The following CDC42BPA variants were observed in gnomAD, a reference collection of about 807,000 sequenced individuals.
CDC42BPA encodes serine/threonine-protein kinase MRCK alpha.
A neutral mutation model predicts 223.5 loss-of-function variants in CDC42BPA; 80 were observed. That is an observed-to-expected ratio of 0.36 (90% CI 0.30 to 0.43). The LOEUF (loss-of-function observed/expected upper bound fraction) is 0.43, where lower values mean the gene tolerates loss of function less well. CDC42BPA is among the 20% of genes least tolerant of loss of function. The probability of loss-of-function intolerance (pLI) is 1.00; values close to 1 mark genes in which losing one functional copy is unlikely to be tolerated. For synonymous variants in CDC42BPA, 694 were observed against 718.6 expected (o/e 0.97, Z 0.55); for missense variants, 1,743 against 2,099.9 (o/e 0.83, Z 3.32).
chr1:227,034,615 T>A, intron 26 of CDC42BPA, 40 bp downstream of exon 26: 1 of 1,540,780 alleles, frequency 6.5e-7, no homozygotes, highest in Non-Finnish European at 8.8e-7. Context: ...AAAATTCCTA[T>A]GTTGCAATGA....
chr1:227,134,321 G>C (rs778710928), intron 10 of CDC42BPA, among the ~76,000 whole-genome samples: 1 of 151,970 alleles, frequency 6.6e-6, no homozygotes, highest in Non-Finnish European at 1.5e-5. Context: ...TTTTACCCAA[G>C]TAGCTGAAAA....
chr1:227,217,491 G>C (rs1041379132), intron 2 of CDC42BPA, among the ~76,000 whole-genome samples: 1 of 151,284 alleles, frequency 6.6e-6, no homozygotes, highest in Non-Finnish European at 1.5e-5. Flanking sequence ...TGCCTGGATT[G>C]TCCTACCTGA....
chr1:227,198,474 GA>G (rs71759139), intron 4 of CDC42BPA, among the ~76,000 whole-genome samples: 13,400 of 127,898 alleles, frequency 0.1, 1,205 homozygotes, highest in Middle Eastern at 0.19. Flanking sequence ...AAGAAAGAAA[GA>G]AAAAAAATGT....
intron 31 of CDC42BPA, among the ~76,000 whole-genome samples, chr1:227,025,511 A>C (rs1668096276): frequency 6.6e-6 from 1 of 152,180 alleles, no homozygotes; most frequent in African/African-American, 2.4e-5. Context: ...TCATTTTTGC[A>C]AACTAGCAGT....
chr1:227,286,177 G>T (rs529600085), intron 1 of CDC42BPA, among the ~76,000 whole-genome samples: 2 of 152,304 alleles, frequency 1.3e-5, no homozygotes, highest in East Asian at 3.9e-4. Flanking sequence ...ACCAGACTGA[G>T]ATTTTTCCAA....
chr1:227,146,655 A>G (rs995945137), intron 7 of CDC42BPA, among the ~76,000 whole-genome samples: 2 of 152,134 alleles, frequency 1.3e-5, no homozygotes, highest in African/African-American at 4.8e-5. Flanking sequence ...AGTACTAAAT[A>G]TATTAACGTT....
chr1:227,059,360 A>G (rs1018907557), intron 21 of CDC42BPA: 2 of 1,560,168 alleles, frequency 1.3e-6, no homozygotes, highest in Non-Finnish European at 1.7e-6. Context: ...CATAAAGTGC[A>G]AAAGTCTCTT....
At chr1:227,245,092 G>A (rs1342929668) in intron 2 of CDC42BPA, among the ~76,000 whole-genome samples, 1 of 152,032 alleles carries the variant, frequency 6.6e-6, no homozygotes, top group African/African-American at 2.4e-5. Flanking sequence ...GTCAAGTTGG[G>A]TTCTAACAAG....
chr1:227,026,066 G>T lies in CDC42BPA; in HGVS notation c.4519C>A (p.Pro1507Thr). 6.3e-7 allele frequency: 1 copy of T among 1,578,248 alleles called. No homozygotes were observed. Among genetic ancestry groups the T allele is most frequent in the Non-Finnish European group, 8.7e-7 (1 of 1,151,966 alleles). Residue 1507 changes from proline (P) to threonine (T), a missense_variant, in exon 31 of 37, where the codon CCT becomes ACT. Physicochemically the swap from Pro to Thr is conservative, Grantham distance 38 (BLOSUM62 -1). Around this residue, in one of 6 missense-constraint regions of CDC42BPA, gnomAD observed 678 missense variants for 777.5 expected, o/e 0.87. Coordinates refer to ENST00000366766, the MANE Select transcript of CDC42BPA (RefSeq NM_001394014.1). ...VNSMEWIQTLPLKKVRPLNNE... is the reference protein window; with the variant it reads ...VNSMEWIQTLTLKKVRPLNNE... ...TAATGTTAAATTACCTTTTTGAGAG[G>T]AAGAGTCTGAATCCATTCCATGGAG...
intron 1 of CDC42BPA, among the ~76,000 whole-genome samples, chr1:227,273,306 G>A (rs1686289598): frequency 6.8e-6 from 1 of 146,728 alleles, no homozygotes; most frequent in Admixed American, 6.8e-5. Context: ...TCAAAAAAAA[G>A]GCCGGGCATG....
At chr1:227,167,377 A>G (rs1665228446) in intron 5 of CDC42BPA, among the ~76,000 whole-genome samples, 1 of 152,160 alleles carries the variant, frequency 6.6e-6, no homozygotes, top group Non-Finnish European at 1.5e-5. Context: ...ATGACAAATG[A>G]CCTTTTCACT....
At chr1:227,089,849 T>C (rs901262916) in intron 16 of CDC42BPA, among the ~76,000 whole-genome samples, 8 of 152,130 alleles carry the variant, frequency 5.3e-5, no homozygotes, top group African/African-American at 1.7e-4. Flanking sequence ...AAACCAATAA[T>C]TGAATGCAAA....
chr1:227,124,673 CA>C (rs1161124256), intron 11 of CDC42BPA, among the ~76,000 whole-genome samples: 1 of 152,002 alleles, frequency 6.6e-6, no homozygotes, highest in Non-Finnish European at 1.5e-5. Context: ...GAAGTAGTAA[CA>C]AGAGACAAAG....
chr1:226,999,052 A>G (rs1366849713), intron 35 of CDC42BPA, among the ~76,000 whole-genome samples: 1 of 152,244 alleles, frequency 6.6e-6, no homozygotes, highest in Non-Finnish European at 1.5e-5. Flanking sequence ...AAAGCTCATC[A>G]TCACTGGTCA....
intron 32 of CDC42BPA, among the ~76,000 whole-genome samples, chr1:227,018,565 T>C (rs1008709745): frequency 3.9e-5 from 6 of 152,154 alleles, no homozygotes; most frequent in African/African-American, 1.2e-4. Context: ...TATAGACACA[T>C]AGTGGGTATG....
Position 227,019,452 on chromosome 1 carries a change from G to T in CDC42BPA, c.4616-2402C>A, listed in dbSNP as rs182786120. Among the ~76,000 whole-genome samples the T allele has an allele frequency of 1.7e-3, 263 of 152,282 alleles. 3 individuals carry two copies. Among genetic ancestry groups the T allele is most frequent in the African/African-American group, 5.9e-3 (245 of 41,562 alleles). ...CTGCTTCTTCCAAACTCCTGTGAATGATGGTATTTTGACCTCCTCCCATGA... is the reference window on the plus strand; with the variant it reads ...CTGCTTCTTCCAAACTCCTGTGAATTATGGTATTTTGACCTCCTCCCATGA... On this transcript the variant is annotated intron_variant, in intron 32 of 36. Coordinates refer to ENST00000366766, the MANE Select transcript of CDC42BPA (RefSeq NM_001394014.1).
chr1:227,115,384 CTT>C (rs1687610406), intron 12 of CDC42BPA, among the ~76,000 whole-genome samples: 1 of 151,974 alleles, frequency 6.6e-6, no homozygotes, highest in Admixed American at 6.6e-5. Context: ...TTATCCTAAA[CTT>C]TTGTGCCTTC....
chr1:227,317,748 G>T lies in CDC42BPA; in HGVS notation c.-566C>A. Reference sequence around the variant, plus strand: ...CCACCACTTGGATAATGCATCAGCGGCAATTTCTCCAGCGGGAAAGGGAGG... The same window carrying T: ...CCACCACTTGGATAATGCATCAGCGTCAATTTCTCCAGCGGGAAAGGGAGG... On this transcript the variant is annotated 5_prime_UTR_variant, in exon 1 of 37. Coordinates refer to ENST00000366766, the MANE Select transcript of CDC42BPA (RefSeq NM_001394014.1). 2.5e-6 allele frequency: 1 copy of T among 398,496 alleles called. No homozygotes were observed. Among genetic ancestry groups the T allele is most frequent in the East Asian group, 3.6e-5 (1 of 28,074 alleles). 24.7% of individuals were successfully genotyped at this position (398,496 alleles called of 1,614,324 possible).
intron 4 of CDC42BPA, 39 bp from the exon 5 acceptor site, chr1:227,193,973 TA>T (rs35780410): frequency 0.2 from 290,795 of 1,483,958 alleles, 29,363 homozygotes; most frequent in Middle Eastern, 0.26. Context: ...AGTAAACTAA[TA>T]AGGGTGAAAA....
Sources: allele counts gnomAD v4.1 joint callset (sites outside exome capture counted in the v4.1 genomes callset), GRCh38; gene constraint gnomAD v4.1.1; regional missense constraint gnomAD v4.1.1; transcripts MANE v1.5; gene names NCBI Gene and HGNC (gene_info 2026-07-23, HGNC 2026-07-21).